Variants in SESN2 observed in about 807,000 individuals in gnomAD.
SESN2 encodes sestrin 2.
Under a neutral mutation model 56.0 loss-of-function variants are expected in SESN2, and 42 were observed. That is an observed-to-expected ratio of 0.75 (90% CI 0.59 to 0.97). The LOEUF is 0.97. Among genes scored for constraint, SESN2 ranks in the 50% least tolerant of loss-of-function variants. The probability of loss-of-function intolerance (pLI) is 0.00; values close to 1 mark genes in which losing one functional copy is unlikely to be tolerated. For synonymous variants in SESN2, 264 were observed against 267.1 expected (o/e 0.99, Z 0.11); for missense variants, 507 against 649.4 (o/e 0.78, Z 2.38).
intron 9 of SESN2, among the ~76,000 whole-genome samples, chr1:28,279,988 G>A (rs1648178762): frequency 6.6e-6 from 1 of 151,906 alleles, no homozygotes; most frequent in Non-Finnish European, 1.5e-5. Flanking sequence ...GAGGGCCTGA[G>A]GTACACACCA....
In SESN2 at chr1:28,282,136, C is replaced by T. The variant is rs1247584378; in HGVS notation, c.*1334C>T. ...AATTACGACTTCTCTTGCCCTTCTT[C>T]TAGCAGTCTGTGCCTCCTCTCTGAC... is the stretch of plus-strand genomic sequence containing the variant. On this transcript the variant is annotated 3_prime_UTR_variant, in exon 10 of 10. Transcript: ENST00000253063. 6.6e-6 allele frequency: 1 copy of T among 152,308 alleles called. No homozygotes were observed. The highest frequency in any genetic ancestry group is 1.5e-5 in the Non-Finnish European group (1 of 68,096). 9.4% of individuals were successfully genotyped at this position (152,308 alleles called of 1,614,324 possible).
At chr1:28,262,498 G>T (rs565352650) in intron 1 of SESN2, among the ~76,000 whole-genome samples, 1 of 151,664 alleles carries the variant, frequency 6.6e-6, no homozygotes, top group Admixed American at 6.6e-5. Flanking sequence ...AGGCGTGGTG[G>T]TGTGCGCCAG....
chr1:28,277,223 G>A (rs112258213), intron 8 of SESN2, among the ~76,000 whole-genome samples: 1 of 139,452 alleles, frequency 7.2e-6, no homozygotes, highest in Non-Finnish European at 1.5e-5. Context: ...TTTTTTTTGA[G>A]ACAGAGTCTT....
In SESN2 at chr1:28,279,261, G is replaced by A; in HGVS notation, c.1356+20G>A. On this transcript the variant is annotated intron_variant, in intron 9 of 9. Transcript: ENST00000253063. ...GAGAAGGTATGACCTATACAGGCAG[G>A]GCAGGATGGAAGTAGACAGGCCAAG... 1 of 1,613,514 alleles carries A rather than the reference G, an allele frequency of 6.2e-7. No individual in the cohort carries two copies. The highest frequency in any genetic ancestry group is 8.5e-7 in the Non-Finnish European group (1 of 1,179,920).
intron 5 of SESN2, 152 bp downstream of exon 5, chr1:28,272,945 C>T: frequency 1.7e-6 from 1 of 603,886 alleles, no homozygotes; most frequent in East Asian, 2.8e-5. Flanking sequence ...TTAGTTTCCT[C>T]ATCTGTGAAA....
At position 28,275,046 on chromosome 1, in the gene SESN2, T is replaced by G. The variant is rs369283588; in HGVS notation, c.1211+31T>G. The G allele has an allele frequency of 2.8e-5, 43 of 1,531,878 alleles. No homozygotes were observed. In the African/African-American group the frequency reaches 5.5e-4, roughly 19 times the overall value. 94.9% of individuals were successfully genotyped at this position (1,531,878 alleles called of 1,614,324 possible). ...CTCATATCCCTTCATTTGGGGCATG[T>G]GTGCACTGTAAGTCTTCACTCTGGG... On this transcript the variant is annotated intron_variant, in intron 8 of 9. Transcript: ENST00000253063.
At chr1:28,271,078 T>G (rs1647757028) in intron 2 of SESN2, among the ~76,000 whole-genome samples, 1 of 152,216 alleles carries the variant, frequency 6.6e-6, no homozygotes, top group African/African-American at 2.4e-5. Context: ...AATCTGCTTC[T>G]GTTATTTATC....
Position 28,272,728 on chromosome 1 carries a change from C to T in SESN2, c.685C>T (p.Gln229Ter), listed in dbSNP as rs1647830996. 6.2e-7 allele frequency: 1 copy of T among 1,612,000 alleles called. No homozygotes were observed. Among genetic ancestry groups the T allele is most frequent in the Admixed American group, 1.7e-5 (1 of 59,982 alleles). Reference protein sequence around the residue: ...EGDADGSPAPQAPTPPSEQSS... With the variant: ...EGDADGSPAP ...GGATGCAGATGGCAGCCCTGCCCCCCAGGCACCTACACCCCCTAGTGAACA... is the reference window on the plus strand; with the variant it reads ...GGATGCAGATGGCAGCCCTGCCCCCTAGGCACCTACACCCCCTAGTGAACA... The change falls in exon 5 of 10, where the codon CAG becomes TAG. Residue 229 changes from glutamine (Q) to a stop codon, truncating the protein, a stop_gained. Transcript: ENST00000253063. LOFTEE classifies it high-confidence loss of function.
intron 8 of SESN2, among the ~76,000 whole-genome samples, chr1:28,276,700 C>T (rs550535839): frequency 8.0e-5 from 12 of 149,218 alleles, no homozygotes; most frequent in Admixed American, 2.0e-4. Context: ...CCGCCTCAGC[C>T]GTCCGAATAG....
At position 28,269,095 on chromosome 1, in the gene SESN2, C is replaced by G. The variant is rs550061193; in HGVS notation, c.91-88C>G. ...GGTGGGTTTAACACTTCAGTGTAGC[C>G]CCTTGGATAGGAGGAAGAGGCTGGA... On this transcript the variant is annotated intron_variant, in intron 1 of 9. Coordinates refer to ENST00000253063, the MANE Select transcript of SESN2 (RefSeq NM_031459.5). The G allele has an allele frequency of 4.4e-5, 41 of 927,368 alleles. No individual in the cohort carries two copies. The African/African-American group carries it at 6.5e-4, about 15-fold the overall frequency. The allele number at this position is 927,368 out of a possible 1,614,324, so 57.4% of individuals were successfully genotyped here. A position where few individuals can be genotyped will look rare whatever the true frequency, so the allele number is the denominator to read the frequency against.
At position 28,281,493 on chromosome 1, in the gene SESN2, T is replaced by TGCTG. The variant is rs980682820; in HGVS notation, c.*693_*696dup. On this transcript the variant is annotated 3_prime_UTR_variant, in exon 10 of 10. Coordinates refer to ENST00000253063, the MANE Select transcript of SESN2 (RefSeq NM_031459.5). ...ATTATCTCTAGAGAGTTTGAGCCTT[T>TGCTG]GCTGGTCACATTGCCTTCTGAAGAG... 4 of 152,192 alleles carry TGCTG rather than the reference T, an allele frequency of 2.6e-5. No homozygotes were observed. The highest frequency in any genetic ancestry group is 9.7e-5 in the African/African-American group (4 of 41,442). The allele number at this position is 152,192 out of a possible 1,614,324, so 9.4% of individuals were successfully genotyped here.
At position 28,259,893 on chromosome 1, in the gene SESN2, C is replaced by T. The variant is rs761924375; in HGVS notation, c.46C>T (p.Leu16=). The T allele has an allele frequency of 3.4e-6, 5 of 1,454,208 alleles. No homozygotes were observed. Among genetic ancestry groups the T allele is most frequent in the Admixed American group, 2.6e-5 (1 of 38,768 alleles). The allele number at this position is 1,454,208 out of a possible 1,614,324, so 90.1% of individuals were successfully genotyped here. Residue 16 remains leucine, a synonymous_variant, in exon 1 of 10, where the codon CTG becomes TTG. Transcript: ENST00000253063. The stretch of plus-strand genomic sequence containing the variant: ...GTGCCGCGCAGAGCTCAAGGACTAC[C>T]TGCGGTTCGCCCCGGGCGGCGTCGG... ...SECRAELKDY[L]RFAPGGVGDS...
chr1:28,264,842 G>T (rs1251789276), intron 1 of SESN2, among the ~76,000 whole-genome samples: 1 of 152,180 alleles, frequency 6.6e-6, no homozygotes, highest in African/African-American at 2.4e-5. Flanking sequence ...TAACAACAAA[G>T]AACTAGATTC....
intron 8 of SESN2, among the ~76,000 whole-genome samples, chr1:28,278,022 T>C (rs1431302250): frequency 1.3e-5 from 2 of 152,222 alleles, no homozygotes. Context: ...CTGATCTGTT[T>C]TGACATTGGC....
chr1:28,270,908 A>C (rs187760704), intron 2 of SESN2, among the ~76,000 whole-genome samples: 1 of 152,310 alleles, frequency 6.6e-6, no homozygotes, highest in African/African-American at 2.4e-5. Flanking sequence ...GCAGCCAGGC[A>C]CAGTAGCTCA....
intron 8 of SESN2, among the ~76,000 whole-genome samples, chr1:28,276,746 A>AT (rs1250940627): frequency 1.3e-5 from 2 of 150,114 alleles, no homozygotes; most frequent in African/African-American, 4.9e-5. Flanking sequence ...CGCCCAGCTA[A>AT]TTTTGTATTT....
chr1:28,261,604 A>G (rs919923875), intron 1 of SESN2, among the ~76,000 whole-genome samples: 2 of 152,158 alleles, frequency 1.3e-5, no homozygotes, highest in African/African-American at 4.8e-5. Context: ...AGCTTTCTCC[A>G]GAGTGTCTCA....
At chr1:28,263,387 C>T (rs1647449392) in intron 1 of SESN2, among the ~76,000 whole-genome samples, 1 of 152,302 alleles carries the variant, frequency 6.6e-6, no homozygotes, top group East Asian at 1.9e-4. Context: ...CTCACACCCC[C>T]TCCACCCTGC....
chr1:28,269,838 G>C (rs1647695382), intron 2 of SESN2, among the ~76,000 whole-genome samples: 1 of 152,040 alleles, frequency 6.6e-6, no homozygotes, highest in Non-Finnish European at 1.5e-5. Context: ...TACTGAGTCA[G>C]TTCATTCATT....
Sources: allele counts gnomAD v4.1 joint callset (sites outside exome capture counted in the v4.1 genomes callset), GRCh38; gene constraint gnomAD v4.1.1; transcripts MANE v1.5; gene names NCBI Gene and HGNC (gene_info 2026-07-23, HGNC 2026-07-21).